Variants in MICAL3 observed in about 807,000 individuals in gnomAD.
MICAL3 encodes microtubule associated monooxygenase, calponin and LIM domain containing 3, also known as [F-actin]-monooxygenase MICAL3.
In MICAL3, 62 loss-of-function variants were observed where a neutral mutation model predicts 207.4. That is an observed-to-expected ratio of 0.30 (90% CI 0.24 to 0.37). MICAL3 has a LOEUF of 0.37. Among genes scored for constraint, MICAL3 ranks in the 10% least tolerant of loss-of-function variants. The pLI is 1.00. For missense variants in MICAL3, 2,368 were observed against 2,635.6 expected, an observed-to-expected ratio of 0.90 and a Z score of 2.22; for synonymous variants, 1,077 against 1,069.3, an observed-to-expected ratio of 1.01 and a Z score of -0.14.
intron 1 of MICAL3, among the ~76,000 whole-genome samples, chr22:18,017,295 C>T (rs1924122874): frequency 6.6e-6 from 1 of 151,856 alleles, no homozygotes; most frequent in Admixed American, 6.6e-5. Context: ...CTCACTGCAA[C>T]CTCTACTTCC....
At chr22:17,834,466 A>G in intron 20 of MICAL3, 1 of 1,280,478 alleles carries the variant, frequency 7.8e-7, no homozygotes, top group South Asian at 1.2e-5. Flanking sequence ...CTGTGATCCC[A>G]GCACTGTGGG....
chr22:17,901,886 G>A lies in MICAL3; in HGVS notation c.683C>T (p.Thr228Ile). 6.2e-7 allele frequency: 1 copy of A among 1,612,658 alleles called. No homozygotes were observed. ...VIIGGDGRRNTLEGFRRKEFR... is the reference protein window; with the variant it reads ...VIIGGDGRRNILEGFRRKEFR... ...GGAGCACAGACCAATACCTTCCAAG[G>A]TGTTCCTCCGACCATCCCCACCGAT... The change falls in exon 5 of 32, where the codon ACC becomes ATC. Residue 228 changes from threonine to isoleucine, a missense_variant. Thr to Ile is a moderately conservative substitution (Grantham distance 89, BLOSUM62 -1). Around this residue, in one of 4 missense-constraint regions of MICAL3, gnomAD observed 400 missense variants for 547.0 expected, o/e 0.73. Transcript: ENST00000441493.
At chr22:17,821,190 G>A (rs1921608288) in intron 25 of MICAL3, among the ~76,000 whole-genome samples, 1 of 151,928 alleles carries the variant, frequency 6.6e-6, no homozygotes, top group African/African-American at 2.4e-5. Flanking sequence ...CCACCCAGAC[G>A]GCCTCATCCC....
chr22:17,854,270 C>T (rs988866066), intron 19 of MICAL3, among the ~76,000 whole-genome samples: 2 of 152,090 alleles, frequency 1.3e-5, no homozygotes, highest in Non-Finnish European at 2.9e-5. Context: ...GGGACACACC[C>T]GACACACCAC....
chr22:17,972,925 A>C (rs889926184), intron 1 of MICAL3, among the ~76,000 whole-genome samples: 9 of 152,188 alleles, frequency 5.9e-5, no homozygotes, highest in Non-Finnish European at 8.8e-5. Context: ...CAGCCCCTAC[A>C]ATGCCCACCC....
intron 1 of MICAL3, among the ~76,000 whole-genome samples, chr22:17,991,101 G>T (rs1217463021): frequency 1.3e-5 from 2 of 152,264 alleles, no homozygotes; most frequent in Non-Finnish European, 2.9e-5. Flanking sequence ...ATGAGCAGAG[G>T]CTGGGCCAGC....
At chr22:17,875,651 C>A in intron 16 of MICAL3, 10 of 431,910 alleles carry the variant, frequency 2.3e-5, no homozygotes, top group Non-Finnish European at 2.9e-5. Flanking sequence ...GAGCCTTTTA[C>A]TCTAGACCTT....
At chr22:17,819,564 C>A (rs1483361971) in intron 25 of MICAL3, among the ~76,000 whole-genome samples, 1 of 152,028 alleles carries the variant, frequency 6.6e-6, no homozygotes, top group Non-Finnish European at 1.5e-5. Flanking sequence ...AAATTGTCCT[C>A]CCTAGGAAGC....
At chr22:17,879,469 G>C in intron 16 of MICAL3, 1 of 1,385,824 alleles carries the variant, frequency 7.2e-7, no homozygotes, top group South Asian at 1.3e-5. Flanking sequence ...CTAAACGACA[G>C]TGGGAAATTC....
At chr22:17,992,707 C>A (rs897135728) in intron 1 of MICAL3, among the ~76,000 whole-genome samples, 8 of 152,170 alleles carry the variant, frequency 5.3e-5, no homozygotes, top group African/African-American at 1.9e-4. Context: ...AACCCGGAGG[C>A]CGCCAATTCA....
rs73384580 is a variant in MICAL3 at position 17,846,017 on chromosome 22, A to G, written c.2606-4000T>C. Among the ~76,000 whole-genome samples the G allele has an allele frequency of 3.0e-3, 460 of 152,376 alleles. 4 individuals carry two copies. The highest frequency in any genetic ancestry group is 0.011 in the African/African-American group (445 of 41,598). Reference sequence around the variant, plus strand: ...CAGAGCTCTGGAAGGGGAAATGCTGATTTAATTTTGGGCTTGGCTACAACC... The same window carrying G: ...CAGAGCTCTGGAAGGGGAAATGCTGGTTTAATTTTGGGCTTGGCTACAACC... On this transcript the variant is annotated intron_variant, in intron 19 of 31. Transcript: ENST00000441493.
chr22:17,914,866 C>T, intron 1 of MICAL3, among the ~76,000 whole-genome samples: 1 of 152,200 alleles, frequency 6.6e-6, no homozygotes, highest in East Asian at 1.9e-4. Flanking sequence ...TCAGCAACGC[C>T]TATGAGGAGT....
intron 19 of MICAL3, among the ~76,000 whole-genome samples, chr22:17,852,648 A>G (rs1253854263): frequency 1.3e-5 from 2 of 152,182 alleles, no homozygotes; most frequent in African/African-American, 4.8e-5. Flanking sequence ...CAAAGGGGCC[A>G]CCTGAGGCTC....
intron 29 of MICAL3, among the ~76,000 whole-genome samples, chr22:17,794,362 C>G (rs781684624): frequency 1.3e-5 from 2 of 152,242 alleles, no homozygotes; most frequent in Non-Finnish European, 2.9e-5. Flanking sequence ...CCCAGACCCA[C>G]GTGGAATCCT....
chr22:17,972,389 T>C (rs1417736600), intron 1 of MICAL3, among the ~76,000 whole-genome samples: 2 of 152,066 alleles, frequency 1.3e-5, no homozygotes, highest in African/African-American at 2.4e-5. Flanking sequence ...GGACTCCAAG[T>C]AGAAACTGAA....
intron 1 of MICAL3, among the ~76,000 whole-genome samples, chr22:17,968,933 A>G (rs190742184): frequency 1.3e-5 from 2 of 152,344 alleles, no homozygotes; most frequent in East Asian, 3.9e-4. Flanking sequence ...AATGCAAAAA[A>G]TGGTCAGTTT....
chr22:17,953,070 G>C (rs886674529), intron 1 of MICAL3, among the ~76,000 whole-genome samples: 2 of 152,276 alleles, frequency 1.3e-5, no homozygotes, highest in African/African-American at 4.8e-5. Flanking sequence ...GGGCTCAGGA[G>C]CATAAGGTGT....
intron 1 of MICAL3, among the ~76,000 whole-genome samples, chr22:17,919,956 CG>C (rs2146295257): frequency 6.6e-6 from 1 of 152,312 alleles, no homozygotes; most frequent in African/African-American, 2.4e-5. Flanking sequence ...ACCCCAGAGA[CG>C]AGTGAAGGAC....
chr22:17,878,697 T>C (rs1233524171), intron 16 of MICAL3, among the ~76,000 whole-genome samples: 1 of 152,182 alleles, frequency 6.6e-6, no homozygotes, highest in Non-Finnish European at 1.5e-5. Flanking sequence ...AACAAAAGTT[T>C]CATAAAGTAA....
Sources: gnomAD v4.1 joint callset for allele counts (sites outside exome capture counted in the v4.1 genomes callset) on GRCh38, gnomAD v4.1.1 for gene constraint, gnomAD v4.1.1 regional missense constraint, MANE v1.5 for transcripts, NCBI Gene and HGNC (gene_info 2026-07-23, HGNC 2026-07-21) for gene names.